UNC5B: variants seen among roughly 807,000 people sequenced by gnomAD.
UNC5B encodes netrin receptor UNC5B.
Under a neutral mutation model 103.7 loss-of-function variants are expected in UNC5B, and 56 were observed. The observed-to-expected ratio is 0.54, with a 90% CI of 0.44 to 0.67. The LOEUF (loss-of-function observed/expected upper bound fraction) is 0.67. UNC5B is among the 30% of genes least tolerant of loss of function. The probability of loss-of-function intolerance (pLI) is 0.00; values close to 1 mark genes in which losing one functional copy is unlikely to be tolerated. For missense variants in UNC5B, 1,194 were observed against 1,284.5 expected, an observed-to-expected ratio of 0.93 and a Z score of 1.08; for synonymous variants, 577 against 542.0, an observed-to-expected ratio of 1.06 and a Z score of -0.90.
chr10:71,220,635 G>A (rs1843434904), intron 1 of UNC5B, among the ~76,000 whole-genome samples: 1 of 152,144 alleles, frequency 6.6e-6, no homozygotes, highest in Non-Finnish European at 1.5e-5. Flanking sequence ...TGTAAAATGG[G>A]GGTAATAATA....
intron 2 of UNC5B, among the ~76,000 whole-genome samples, chr10:71,284,099 C>T (rs1163452742): frequency 6.6e-6 from 1 of 152,210 alleles, no homozygotes; most frequent in East Asian, 1.9e-4. Context: ...GTGACTGCTG[C>T]ATAGACGAAC....
At chr10:71,284,106 G>C (rs995535344) in intron 2 of UNC5B, among the ~76,000 whole-genome samples, 1 of 152,194 alleles carries the variant, frequency 6.6e-6, no homozygotes, top group Non-Finnish European at 1.5e-5. Context: ...CTGCATAGAC[G>C]AACTTCCGGG....
rs377255326 is a variant in UNC5B, at chr10:71,292,462, C to G, written c.1685-5C>G. The G allele has an allele frequency of 3.3e-5, 53 of 1,588,088 alleles. 1 individual carries two copies. In the East Asian group the frequency reaches 5.0e-4, roughly 15 times the overall value. On this transcript the variant is annotated splice_region_variant and splice_polypyrimidine_tract_variant and intron_variant, in intron 10 of 16. Coordinates refer to ENST00000335350, the MANE Select transcript of UNC5B (RefSeq NM_170744.5). Reference sequence around the variant, plus strand: ...GACTCCCTGCTGACTTCCCTCTCCCCCTAGGGGTCAGCTTGCTGGTGCCCA... The same window carrying G: ...GACTCCCTGCTGACTTCCCTCTCCCGCTAGGGGTCAGCTTGCTGGTGCCCA...
At chr10:71,223,814 C>G (rs1046584296) in intron 1 of UNC5B, among the ~76,000 whole-genome samples, 1 of 151,440 alleles carries the variant, frequency 6.6e-6, no homozygotes, top group Non-Finnish European at 1.5e-5. Flanking sequence ...GACAACTGGC[C>G]GTGAGGCCTG....
chr10:71,218,660 C>T (rs1429231322), intron 1 of UNC5B, among the ~76,000 whole-genome samples: 1 of 152,192 alleles, frequency 6.6e-6, no homozygotes, highest in Non-Finnish European at 1.5e-5. Flanking sequence ...GGCTACTGCC[C>T]CCAGGAAGAT....
intron 1 of UNC5B, among the ~76,000 whole-genome samples, chr10:71,250,643 C>A (rs1844151887): frequency 6.6e-6 from 1 of 152,134 alleles, no homozygotes; most frequent in African/African-American, 2.4e-5. Flanking sequence ...GTGATGTCTG[C>A]TGTGGTGTGG....
At chr10:71,292,756 A>G (rs1326648535) in intron 11 of UNC5B, among the ~76,000 whole-genome samples, 3 of 152,244 alleles carry the variant, frequency 2.0e-5, no homozygotes, top group African/African-American at 7.2e-5. Flanking sequence ...GCTGGCTACA[A>G]GTGTGACAAA....
chr10:71,256,533 G>T (rs145044381), intron 1 of UNC5B, among the ~76,000 whole-genome samples: 1 of 152,278 alleles, frequency 6.6e-6, no homozygotes, highest in Non-Finnish European at 1.5e-5. Context: ...GAACAGAGGG[G>T]ACTTGGGCAG....
chr10:71,265,551 G>A (rs1844504840), intron 1 of UNC5B, among the ~76,000 whole-genome samples: 1 of 152,184 alleles, frequency 6.6e-6, no homozygotes, highest in African/African-American at 2.4e-5. Flanking sequence ...GTGATGTGGC[G>A]ATCCCCAGAC....
intron 1 of UNC5B, among the ~76,000 whole-genome samples, chr10:71,221,404 C>T (rs1164614907): frequency 2.6e-5 from 4 of 152,158 alleles, no homozygotes; most frequent in South Asian, 2.1e-4. Context: ...GCCTGGCCCC[C>T]GTGTCATGCA....
chr10:71,227,655 T>TAC (rs1312014951), intron 1 of UNC5B, among the ~76,000 whole-genome samples: 5 of 147,532 alleles, frequency 3.4e-5, no homozygotes, highest in African/African-American at 1.2e-4. Flanking sequence ...TACATATATA[T>TAC]ACATATATAT....
At position 71,213,144 on chromosome 10, in the gene UNC5B, C is replaced by T; in HGVS notation, c.79+80C>T. The T allele has an allele frequency of 2.7e-6, 3 of 1,126,576 alleles. No individual in the cohort carries two copies. The highest frequency in any genetic ancestry group is 3.4e-6 in the Non-Finnish European group (3 of 887,172). 69.8% of individuals were successfully genotyped at this position (1,126,576 alleles called of 1,614,324 possible). On this transcript the variant is annotated intron_variant, in intron 1 of 16. Transcript: ENST00000335350. This position sits in a 1 kb window ranked among gnomAD's most constrained non-coding sequence, Gnocchi z 4.1. The stretch of plus-strand genomic sequence containing the variant: ...CTGTCCTGAAGTTGAGGTGGTCTTT[C>T]GTCGCATCGATGCGCGCAGGAAAAG...
chr10:71,258,587 C>T (rs766965338), intron 1 of UNC5B, among the ~76,000 whole-genome samples: 1 of 151,800 alleles, frequency 6.6e-6, no homozygotes, highest in Admixed American at 6.6e-5. Context: ...CAGGACAAGC[C>T]GTGGTCTTGG....
At chr10:71,231,788 T>C (rs1371789275) in intron 1 of UNC5B, among the ~76,000 whole-genome samples, 1 of 152,166 alleles carries the variant, frequency 6.6e-6, no homozygotes, top group Non-Finnish European at 1.5e-5. Flanking sequence ...AGAGACTAGC[T>C]TGGTCATTCT....
intron 6 of UNC5B, among the ~76,000 whole-genome samples, chr10:71,288,299 T>A (rs1317421821): frequency 6.6e-6 from 1 of 152,232 alleles, no homozygotes; most frequent in East Asian, 1.9e-4. Context: ...GTGTAAATCG[T>A]GCACTGGGCT....
rs748803255 is a variant in UNC5B at position 71,293,852 on chromosome 10, C to T, written c.2094C>T (p.Ala698=). The change falls in exon 13 of 17, where the codon GCC becomes GCT. Residue 698 remains alanine, a synonymous_variant. Coordinates refer to ENST00000335350, the MANE Select transcript of UNC5B (RefSeq NM_170744.5). ...SRSAVKRLQL[A]VFAPALCTSL... ...CAGCAGTCAAGCGGCTCCAGCTGGC[C>T]GTCTTCGCCCCCGCCCTCTGCACCT... 3.1e-6 allele frequency: 5 copies of T among 1,609,872 alleles called. No homozygotes were observed. The highest frequency in any genetic ancestry group is 1.3e-5 in the African/African-American group (1 of 74,892).
chr10:71,227,707 TACACAC>T (rs57747777), intron 1 of UNC5B, among the ~76,000 whole-genome samples: 2,591 of 127,984 alleles, frequency 0.02, 43 homozygotes, highest in East Asian at 0.056. Flanking sequence ...TACACACATA[TACACAC>T]ACACACACAC....
At chr10:71,232,284 G>A (rs1843698789) in intron 1 of UNC5B, among the ~76,000 whole-genome samples, 1 of 152,248 alleles carries the variant, frequency 6.6e-6, no homozygotes, top group South Asian at 2.1e-4. Flanking sequence ...ATAGCACACA[G>A]TTTTAAATAA....
intron 1 of UNC5B, among the ~76,000 whole-genome samples, chr10:71,237,210 C>T (rs959921969): frequency 2.6e-5 from 4 of 152,176 alleles, no homozygotes; most frequent in Non-Finnish European, 5.9e-5. Flanking sequence ...CCCTGTTTGC[C>T]TGGTCACCAA....
Sources: gnomAD v4.1 joint callset for allele counts (sites outside exome capture counted in the v4.1 genomes callset) on GRCh38, gnomAD v4.1.1 for gene constraint, Gnocchi (gnomAD v3.1) non-coding constraint, MANE v1.5 for transcripts, NCBI Gene and HGNC (gene_info 2026-07-23, HGNC 2026-07-21) for gene names.